ZNF84: variants seen among roughly 807,000 people sequenced by gnomAD.
ZNF84 encodes the protein zinc finger protein 84.
ZNF84 carries 12 observed loss-of-function variants against 14.8 expected under a neutral mutation model. The observed-to-expected ratio is 0.81, with a 90% CI of 0.52 to 1.31. The LOEUF is 1.31. Ranked by LOEUF, ZNF84 falls within the 50% of genes most tolerant of loss-of-function variation. The probability of loss-of-function intolerance (pLI) is 0.00; values close to 1 mark genes in which losing one functional copy is unlikely to be tolerated. For missense variants in ZNF84, 859 were observed against 878.6 expected, an observed-to-expected ratio of 0.98 and a Z score of 0.28; for synonymous variants, 347 against 291.1, an observed-to-expected ratio of 1.19 and a Z score of -1.96.
At position 133,059,032 on chromosome 12, in the gene ZNF84, C is replaced by T. The variant is rs1233450561; in HGVS notation, c.*100C>T. On this transcript the variant is annotated 3_prime_UTR_variant, in exon 5 of 5. Coordinates refer to ENST00000539354, the MANE Select transcript of ZNF84 (RefSeq NM_001289971.2). ...AGTCACGTCATGTTAGGTGTTTGTA[C>T]TCCATGAGGATGAGAACTCTAAATG... 3.6e-6 allele frequency: 4 copies of T among 1,123,822 alleles called. No individual in the cohort carries two copies. The highest frequency in any genetic ancestry group is 5.1e-6 in the Non-Finnish European group (4 of 791,772). 69.6% of individuals were successfully genotyped at this position (1,123,822 alleles called of 1,614,324 possible).
Position 133,061,056 on chromosome 12 carries a change from T to G in ZNF84, c.*2124T>G, listed in dbSNP as rs1954255164. On this transcript the variant is annotated 3_prime_UTR_variant, in exon 5 of 5. Transcript: ENST00000539354. The stretch of plus-strand genomic sequence containing the variant: ...CAACATTTTGGGAAAGTTGGAATTT[T>G]AAATAAATGAATAATTTTCTAAACC... 1 of 152,224 alleles carries G rather than the reference T, an allele frequency of 6.6e-6. No individual in the cohort carries two copies. The highest frequency in any genetic ancestry group is 1.9e-4 in the East Asian group (1 of 5,200). 9.4% of individuals were successfully genotyped at this position (152,224 alleles called of 1,614,324 possible).
chr12:133,051,859 G>A (rs963831448), intron 4 of ZNF84, among the ~76,000 whole-genome samples: 7 of 152,170 alleles, frequency 4.6e-5, no homozygotes, highest in Non-Finnish European at 1.0e-4. Context: ...GGCTTTCTAT[G>A]GATGGTAGTT....
At chr12:133,046,148 T>G (rs1953974054) in intron 2 of ZNF84, among the ~76,000 whole-genome samples, 1 of 152,056 alleles carries the variant, frequency 6.6e-6, no homozygotes, top group African/African-American at 2.4e-5. Flanking sequence ...ATCCAAAATC[T>G]AGTCACCTTT....
intron 2 of ZNF84, among the ~76,000 whole-genome samples, chr12:133,043,674 T>G (rs1953926015): frequency 6.6e-6 from 1 of 152,214 alleles, no homozygotes; most frequent in South Asian, 2.1e-4. Flanking sequence ...ATTTTGTTAT[T>G]TGAAAGAATT....
chr12:133,055,522 A>C (rs1263230691), intron 4 of ZNF84, among the ~76,000 whole-genome samples: 1 of 152,188 alleles, frequency 6.6e-6, no homozygotes, highest in Non-Finnish European at 1.5e-5. Flanking sequence ...AAGAATCACA[A>C]GATGACTATG....
chr12:133,039,904 G>T (rs1953856754), intron 1 of ZNF84, among the ~76,000 whole-genome samples: 1 of 150,856 alleles, frequency 6.6e-6, no homozygotes, highest in Non-Finnish European at 1.5e-5. Flanking sequence ...CCAGGCTGGA[G>T]TACAATGGCA....
In ZNF84 at chr12:133,060,267, T is replaced by C. The variant is rs1218898882; in HGVS notation, c.*1335T>C. 2 of 152,192 alleles carry C rather than the reference T, an allele frequency of 1.3e-5. No individual in the cohort carries two copies. The highest frequency in any genetic ancestry group is 1.5e-5 in the Non-Finnish European group (1 of 68,016). 9.4% of individuals were successfully genotyped at this position (152,192 alleles called of 1,614,324 possible). On this transcript the variant is annotated 3_prime_UTR_variant, in exon 5 of 5. Coordinates refer to ENST00000539354, the MANE Select transcript of ZNF84 (RefSeq NM_001289971.2). The stretch of plus-strand genomic sequence containing the variant: ...AAAAATTAGATGGATAAATGAATTA[T>C]TAAAAAATCACATTTCTGAAGATGT...
Position 133,063,273 on chromosome 12 carries a change from T to A in ZNF84, c.*4341T>A. ...ATTCTTCTGTGAGATACTCCAAATA[T>A]CCTAATAAATTCTCATGTTTGCTTC... is the stretch of plus-strand genomic sequence containing the variant. On this transcript the variant is annotated 3_prime_UTR_variant, in exon 5 of 5. Coordinates refer to ENST00000539354, the MANE Select transcript of ZNF84 (RefSeq NM_001289971.2). The A allele has an allele frequency of 1.4e-6, 1 of 701,932 alleles. No homozygotes were observed. 43.5% of individuals were successfully genotyped at this position (701,932 alleles called of 1,614,324 possible).
intron 2 of ZNF84, among the ~76,000 whole-genome samples, chr12:133,043,955 G>T (rs1319811534): frequency 6.6e-6 from 1 of 150,820 alleles, no homozygotes; most frequent in Non-Finnish European, 1.5e-5. Flanking sequence ...GTAGAGATGG[G>T]GTTTCACCAT....
chr12:133,058,535 C>G lies in ZNF84; in HGVS notation c.1820C>G (p.Ala607Gly), dbSNP rs201713110. 843 of 1,613,982 alleles carry G rather than the reference C, an allele frequency of 5.2e-4. 3 individuals are homozygous for G. The Middle Eastern group carries it at 6.4e-3, about 12-fold the overall frequency. The change falls in exon 5 of 5, where the codon GCT becomes GGT. Residue 607 changes from alanine (A) to glycine (G), a missense_variant. Ala to Gly is a moderately conservative substitution (Grantham distance 60, BLOSUM62 0). Transcript: ENST00000539354. Reference sequence around the variant, plus strand: ...TATGAATGCAGTCTTTGTAGGAAAGCTTTTTTTGAGAAGTCGGAGCTAATT... The same window carrying G: ...TATGAATGCAGTCTTTGTAGGAAAGGTTTTTTTGAGAAGTCGGAGCTAATT... ...KPYECSLCRKAFFEKSELIRH... is the reference protein window; with the variant it reads ...KPYECSLCRKGFFEKSELIRH...
chr12:133,051,613 C>T (rs1055978003), intron 4 of ZNF84, among the ~76,000 whole-genome samples: 1 of 152,298 alleles, frequency 6.6e-6, no homozygotes, highest in East Asian at 1.9e-4. Context: ...TACTATCCCT[C>T]TGCAGCAAAA....
At chr12:133,041,253 C>T in intron 1 of ZNF84, 25 bp from the exon 2 acceptor site, 2 of 547,628 alleles carry the variant, frequency 3.7e-6, no homozygotes, top group East Asian at 2.9e-5. Flanking sequence ...GTGAATATAC[C>T]AGTTGAAGTA....
In ZNF84 at chr12:133,060,408, G is replaced by C. The variant is rs1954239713; in HGVS notation, c.*1476G>C. 6.6e-6 allele frequency: 1 copy of C among 152,202 alleles called. No homozygotes were observed. Among genetic ancestry groups the C allele is most frequent in the Non-Finnish European group, 1.5e-5 (1 of 68,028 alleles). The allele number at this position is 152,202 out of a possible 1,614,324, so 9.4% of individuals were successfully genotyped here. A position where few individuals can be genotyped will look rare whatever the true frequency, so the allele number is the denominator to read the frequency against. On this transcript the variant is annotated 3_prime_UTR_variant, in exon 5 of 5. Coordinates refer to ENST00000539354, the MANE Select transcript of ZNF84 (RefSeq NM_001289971.2). ...AAGTACAGATGATCCTGGACTTACA[G>C]TGGGGTTACCTCCCAATAAACCCAT...
intron 4 of ZNF84, among the ~76,000 whole-genome samples, chr12:133,054,721 ATTATT>A (rs1954124284): frequency 1.3e-5 from 2 of 151,694 alleles, no homozygotes; most frequent in African/African-American, 4.8e-5. Context: ...ATGTACAACT[ATTATT>A]TTTCAATTAA....
intron 1 of ZNF84, among the ~76,000 whole-genome samples, chr12:133,040,216 G>A (rs1953862060): frequency 1.3e-5 from 2 of 151,972 alleles, no homozygotes; most frequent in South Asian, 4.1e-4. Context: ...AGATAATGAT[G>A]CTAAGATTTT....
intron 2 of ZNF84, among the ~76,000 whole-genome samples, chr12:133,045,552 T>A (rs1953966486): frequency 6.6e-6 from 1 of 151,884 alleles, no homozygotes; most frequent in African/African-American, 2.4e-5. Context: ...AGTGGGAGGA[T>A]CACCTGAGCC....
chr12:133,056,643 A>G lies in ZNF84; in HGVS notation c.239-311A>G, dbSNP rs1438544273. On this transcript the variant is annotated intron_variant, in intron 4 of 4. Coordinates refer to ENST00000539354, the MANE Select transcript of ZNF84 (RefSeq NM_001289971.2). ...TCAGAAAGTATTGAGTGAATTAATT[A>G]CTCAAAACATTGGGTCAAAGCTTCT... 3.9e-5 allele frequency among the ~76,000 whole-genome samples: 6 copies of G among 152,160 alleles called. No homozygotes were observed. In the East Asian group the frequency reaches 1.2e-3, roughly 29 times the overall value.
intron 2 of ZNF84, among the ~76,000 whole-genome samples, chr12:133,043,148 CAGT>C (rs1359494956): frequency 6.6e-6 from 1 of 152,162 alleles, no homozygotes; most frequent in Admixed American, 6.6e-5. Flanking sequence ...ATTGCAACTG[CAGT>C]CCTTCCCCCA....
intron 2 of ZNF84, among the ~76,000 whole-genome samples, chr12:133,046,889 AT>A (rs1465266926): frequency 1.1e-4 from 16 of 141,682 alleles, no homozygotes; most frequent in Admixed American, 3.6e-4. Context: ...TTTATATATT[AT>A]TTTTAATATA....
Sources: allele counts gnomAD v4.1 joint callset (sites outside exome capture counted in the v4.1 genomes callset), GRCh38; gene constraint gnomAD v4.1.1; transcripts MANE v1.5; gene names NCBI Gene and HGNC (gene_info 2026-07-23, HGNC 2026-07-21).